The following PRRC2C variants were observed in gnomAD, a reference collection of about 807,000 sequenced individuals.
PRRC2C encodes the protein protein PRRC2C.
In PRRC2C, 72 loss-of-function variants were observed where a neutral mutation model predicts 317.2. That is an observed-to-expected ratio of 0.23 (90% CI 0.19 to 0.28). The LOEUF is 0.28. Ranked by LOEUF, PRRC2C falls within the 10% of genes least tolerant of loss-of-function variation. The probability of loss-of-function intolerance (pLI) is 1.00; values close to 1 mark genes in which losing one functional copy is unlikely to be tolerated. For synonymous variants in PRRC2C, 1,296 were observed against 1,205.9 expected (o/e 1.07, Z -1.55); for missense variants, 3,074 against 3,459.7 (o/e 0.89, Z 2.80).
intron 23 of PRRC2C, among the ~76,000 whole-genome samples, chr1:171,570,297 G>A (rs774109772): frequency 2.6e-5 from 4 of 152,056 alleles, no homozygotes; most frequent in Non-Finnish European, 4.4e-5. Context: ...TAGAACTTTT[G>A]TCTTTCTTAA....
chr1:171,488,824 T>C (rs952269165), intron 1 of PRRC2C, among the ~76,000 whole-genome samples: 4 of 152,146 alleles, frequency 2.6e-5, no homozygotes, highest in African/African-American at 9.7e-5. Flanking sequence ...GAACACAAGA[T>C]TGTAATGAAA....
chr1:171,513,085 A>G lies in PRRC2C; in HGVS notation c.203A>G (p.Glu68Gly), dbSNP rs1169753079. 1 of 1,613,786 alleles carries G rather than the reference A, an allele frequency of 6.2e-7. No individual in the cohort carries two copies. Among genetic ancestry groups the G allele is most frequent in the Non-Finnish European group, 8.5e-7 (1 of 1,179,838 alleles). ...PPANLPSLKA[E>G]NKGNDPNVNI... Reference sequence around the variant, plus strand: ...GCTAACCTCCCAAGTCTTAAAGCAGAAAACAAAGGCAATGATCCTAATGTA... The same window carrying G: ...GCTAACCTCCCAAGTCTTAAAGCAGGAAACAAAGGCAATGATCCTAATGTA... The change falls in exon 3 of 35, where the codon GAA becomes GGA. Residue 68 changes from glutamate to glycine, a missense_variant. This residue lies in a region of PRRC2C where 71 missense variants were observed against 118.9 expected (regional missense o/e 0.60). Transcript: ENST00000647382.
chr1:171,545,816 A>G (rs958878574), intron 17 of PRRC2C, 129 bp downstream of exon 17: 3 of 559,274 alleles, frequency 5.4e-6, no homozygotes, highest in African/African-American at 4.1e-5. Context: ...TGGACATTCA[A>G]GGTATACATA....
intron 19 of PRRC2C, 32 bp from the exon 20 acceptor site, chr1:171,560,986 T>TA (rs755039573): frequency 6.6e-7 from 1 of 1,510,932 alleles, no homozygotes; most frequent in Non-Finnish European, 9.2e-7. Flanking sequence ...CTCTAAATCT[T>TA]AATCATGTTT....
chr1:171,489,180 A>AT (rs1299905608), intron 1 of PRRC2C, among the ~76,000 whole-genome samples: 1 of 152,238 alleles, frequency 6.6e-6, no homozygotes, highest in African/African-American at 2.4e-5. Flanking sequence ...TGATAAGTAT[A>AT]TTATTGGAGC....
chr1:171,502,466 T>C (rs1304395004), intron 1 of PRRC2C, among the ~76,000 whole-genome samples: 1 of 152,194 alleles, frequency 6.6e-6, no homozygotes. Context: ...TTCTGGACCT[T>C]TGCTATCCTA....
chr1:171,541,328 C>T lies in PRRC2C; in HGVS notation c.3862C>T (p.Leu1288Phe), dbSNP rs1429414584. Residue 1288 changes from leucine (L) to phenylalanine (F), a missense_variant, in exon 16 of 35, where the codon CTT (leucine) becomes TTT (phenylalanine). By Grantham distance (22) the Leu-to-Phe change is conservative. Coordinates refer to ENST00000647382, the MANE Select transcript of PRRC2C (RefSeq NM_001387844.1). The surrounding 1 kb of genome is among the most constrained non-coding windows in gnomAD (Gnocchi z 4.1). ...SDKDSLSKGK[L>F]PKREERPENK... ...CAAGGACAGTTTAAGTAAAGGCAAA[C>T]TTCCCAAAAGAGAGGAACGGCCTGA... 5.0e-6 allele frequency: 8 copies of T among 1,613,482 alleles called. No individual in the cohort carries two copies. Among genetic ancestry groups the T allele is most frequent in the Non-Finnish European group, 1.7e-6 (2 of 1,179,818 alleles).
At position 171,579,382 on chromosome 1, in the gene PRRC2C, A is replaced by T; in HGVS notation, c.7188A>T (p.Thr2396=). ...AAATCCCAGCCTTCTATATGGACAC[A>T]AGTCATTTATTCAATACCCAACATG... ...AAQIPAFYMD[T]SHLFNTQHAR... is the part of the protein sequence containing the mutation. Residue 2396 remains threonine, a synonymous_variant, in exon 27 of 35, where the codon ACA becomes ACT. Transcript: ENST00000647382. The T allele has an allele frequency of 6.2e-7, 1 of 1,613,900 alleles. No individual in the cohort carries two copies. The highest frequency in any genetic ancestry group is 8.5e-7 in the Non-Finnish European group (1 of 1,179,848).
intron 1 of PRRC2C, among the ~76,000 whole-genome samples, chr1:171,502,023 A>G (rs957816262): frequency 6.6e-6 from 1 of 152,172 alleles, no homozygotes; most frequent in Non-Finnish European, 1.5e-5. Flanking sequence ...CTTGGACTCA[A>G]ATAATCATCC....
chr1:171,524,875 T>A lies in PRRC2C; in HGVS notation c.1110T>A (p.Asp370Glu), dbSNP rs1438533067. ...SENNENKKETDEVSNTKSSSQ... is the reference protein window; with the variant it reads ...SENNENKKETEEVSNTKSSSQ... ...ACAACGAAAACAAAAAAGAAACAGA[T>A]GAAGTTTCCAACACTAAATCATCTT... Residue 370 changes from aspartate to glutamate, a missense_variant, in exon 10 of 35, where the codon GAT becomes GAA. Asp to Glu is a conservative substitution (Grantham distance 45, BLOSUM62 2). This residue lies in a region of PRRC2C where 1,320 missense variants were observed against 1,395.7 expected (regional missense o/e 0.95). Coordinates refer to ENST00000647382, the MANE Select transcript of PRRC2C (RefSeq NM_001387844.1). The A allele has an allele frequency of 1.2e-6, 2 of 1,604,786 alleles. No homozygotes were observed. The highest frequency in any genetic ancestry group is 1.7e-6 in the Non-Finnish European group (2 of 1,175,256).
intron 10 of PRRC2C, among the ~76,000 whole-genome samples, chr1:171,527,449 C>T (rs61814663): frequency 0.81 from 122,800 of 151,988 alleles, 49,729 homozygotes; most frequent in Middle Eastern, 0.9. Context: ...TTTTTTCTTA[C>T]ATGGTTCTTT....
chr1:171,492,176 G>A (rs1667272829), intron 1 of PRRC2C, among the ~76,000 whole-genome samples: 1 of 152,180 alleles, frequency 6.6e-6, no homozygotes, highest in Non-Finnish European at 1.5e-5. Context: ...GATACAGAAT[G>A]TAGAAAGATA....
At position 171,588,514 on chromosome 1, in the gene PRRC2C, A is replaced by G. The variant is rs1348060077; in HGVS notation, c.8199+9A>G. The stretch of plus-strand genomic sequence containing the variant: ...CACAGTTTGCACCCCAGGTGGGCAG[A>G]CATAATTAAGAAATGAGTATTATTT... On this transcript the variant is annotated intron_variant, in intron 33 of 34. Transcript: ENST00000647382. 2 of 1,612,550 alleles carry G rather than the reference A, an allele frequency of 1.2e-6. No individual in the cohort carries two copies. The highest frequency in any genetic ancestry group is 2.2e-5 in the South Asian group (2 of 90,990).
At position 171,532,464 on chromosome 1, in the gene PRRC2C, C is replaced by T. The variant is rs143141480; in HGVS notation, c.1376C>T (p.Ala459Val). 1 of 1,613,504 alleles carries T rather than the reference C, an allele frequency of 6.2e-7. No individual in the cohort carries two copies. The highest frequency in any genetic ancestry group is 1.1e-5 in the South Asian group (1 of 90,952). ...QRRRQQSEIS[A>V]AVERARKRRE... The stretch of plus-strand genomic sequence containing the variant: ...CGAAGACAACAATCAGAAATTTCTG[C>T]AGCAGTAGAACGTGCTCGTAAACGG... Residue 459 changes from alanine (A) to valine (V), a missense_variant, in exon 12 of 35, where the codon GCA becomes GTA. By Grantham distance (64) the Ala-to-Val change is moderately conservative. Coordinates refer to ENST00000647382, the MANE Select transcript of PRRC2C (RefSeq NM_001387844.1).
chr1:171,487,982 G>C (rs1278978980), intron 1 of PRRC2C, among the ~76,000 whole-genome samples: 1 of 105,300 alleles, frequency 9.5e-6, no homozygotes, highest in Non-Finnish European at 2.1e-5. Context: ...TGAGTATCTT[G>C]TTCATAGCTG....
chr1:171,508,213 T>C (rs1250481360), intron 1 of PRRC2C, among the ~76,000 whole-genome samples: 1 of 152,204 alleles, frequency 6.6e-6, no homozygotes, highest in African/African-American at 2.4e-5. Context: ...ACATTCTAGC[T>C]GTGTACTAGA....
intron 20 of PRRC2C, among the ~76,000 whole-genome samples, chr1:171,564,587 A>T (rs1683293033): frequency 6.6e-6 from 1 of 152,200 alleles, no homozygotes; most frequent in Non-Finnish European, 1.5e-5. Context: ...AACAACAGAG[A>T]TACGTCCTGA....
rs532814187 is a variant in PRRC2C, at chr1:171,528,971, A to G, written c.1254+1127A>G. On this transcript the variant is annotated intron_variant, in intron 11 of 34. Transcript: ENST00000647382. ...AGGTGCACACCACCACGCCAGGCTA[A>G]TTTTTTGCAGAGACAGGGTCTCACC... is the stretch of plus-strand genomic sequence containing the variant. Among the ~76,000 whole-genome samples the G allele has an allele frequency of 5.3e-5, 8 of 151,942 alleles. No homozygotes were observed. The East Asian group carries it at 1.6e-3, about 30-fold the overall frequency.
chr1:171,528,465 T>G lies in PRRC2C; in HGVS notation c.1254+621T>G, dbSNP rs192324449. Among the ~76,000 whole-genome samples, 721 of 150,490 alleles carry G rather than the reference T, an allele frequency of 4.8e-3. 6 individuals carry two copies. Among genetic ancestry groups the G allele is most frequent in the African/African-American group, 0.016 (664 of 40,804 alleles). ...CACCACGCCCGGCTAATTTTTTGTG[T>G]TTTTTTTAGTAGAGACGGGGTTTCA... On this transcript the variant is annotated intron_variant, in intron 11 of 34. Transcript: ENST00000647382.
Sources: allele counts gnomAD v4.1 joint callset (sites outside exome capture counted in the v4.1 genomes callset), GRCh38; gene constraint gnomAD v4.1.1; regional missense constraint gnomAD v4.1.1; non-coding constraint Gnocchi (gnomAD v3.1); transcripts MANE v1.5; gene names NCBI Gene and HGNC (gene_info 2026-07-23, HGNC 2026-07-21).